Variants in SLC47A1 observed in about 807,000 individuals in gnomAD.
SLC47A1 encodes the protein multidrug and toxin extrusion protein 1.
Under a neutral mutation model 65.8 loss-of-function variants are expected in SLC47A1, and 58 were observed. The ratio of observed to expected loss-of-function variants is 0.88; its 90% CI spans 0.71 to 1.10. The LOEUF (loss-of-function observed/expected upper bound fraction) is 1.10, where lower values mean the gene tolerates loss of function less well. Ranked by LOEUF, SLC47A1 falls within the 50% of genes least tolerant of loss-of-function variation. SLC47A1 has a pLI of 0.00. For missense variants in SLC47A1, 706 were observed against 719.2 expected (o/e 0.98, Z 0.21); for synonymous variants, 285 against 295.0 (o/e 0.97, Z 0.35).
At chr17:19,544,868 A>G (rs1042024446) in intron 2 of SLC47A1, among the ~76,000 whole-genome samples, 4 of 152,202 alleles carry the variant, frequency 2.6e-5, no homozygotes, top group African/African-American at 9.6e-5. Flanking sequence ...TTACCCATCC[A>G]AGATCTTGTA....
chr17:19,539,098 G>C (rs915329514), intron 1 of SLC47A1, among the ~76,000 whole-genome samples: 15 of 151,998 alleles, frequency 9.9e-5, no homozygotes, highest in Non-Finnish European at 1.9e-4. Context: ...TGTAGAGACG[G>C]GGTCTCTACA....
Position 19,534,191 on chromosome 17 carries a change from G to C in SLC47A1, c.135+117G>C, listed in dbSNP as rs1915927347. 2.3e-6 allele frequency: 3 copies of C among 1,295,292 alleles called. No individual in the cohort carries two copies. In the East Asian group the frequency reaches 9.1e-5, roughly 39 times the overall value. The allele number at this position is 1,295,292 out of a possible 1,614,324, so 80.2% of individuals were successfully genotyped here. A position where few individuals can be genotyped will look rare whatever the true frequency, so the allele number is the denominator to read the frequency against. On this transcript the variant is annotated intron_variant, in intron 1 of 16. Coordinates refer to ENST00000270570, the MANE Select transcript of SLC47A1 (RefSeq NM_018242.3). ...GACCGAGCGAGCTGTCCGCCGGCGG[G>C]CTCCGGGGAGCATCGTGCCAGGAGC...
intron 12 of SLC47A1, among the ~76,000 whole-genome samples, chr17:19,565,187 C>T (rs1286902721): frequency 6.6e-6 from 1 of 152,168 alleles, no homozygotes; most frequent in Non-Finnish European, 1.5e-5. Flanking sequence ...GGTTAGAATC[C>T]AAGTCTCTAG....
chr17:19,548,084 A>G lies in SLC47A1; in HGVS notation c.406A>G (p.Asn136Asp). 1 of 1,613,856 alleles carries G rather than the reference A, an allele frequency of 6.2e-7. No homozygotes were observed. Among genetic ancestry groups the G allele is most frequent in the Non-Finnish European group, 8.5e-7 (1 of 1,180,002 alleles). The change falls in exon 4 of 17, where the codon AAC becomes GAC. Residue 136 changes from asparagine to aspartate, a missense_variant. Transcript: ENST00000270570. ...CCFPCWALFL[N>D]TQHILLLFRQ... Reference sequence around the variant, plus strand: ...CTTCCCCTGCTGGGCGCTCTTTCTCAACACCCAGCACATCCTGCTGCTCTT... The same window carrying G: ...CTTCCCCTGCTGGGCGCTCTTTCTCGACACCCAGCACATCCTGCTGCTCTT...
intron 14 of SLC47A1, among the ~76,000 whole-genome samples, chr17:19,570,597 C>G (rs971070952): frequency 1.3e-5 from 2 of 152,170 alleles, no homozygotes; most frequent in African/African-American, 4.8e-5. Flanking sequence ...TGGGGCCAAT[C>G]GTTACAGAAG....
intron 16 of SLC47A1, among the ~76,000 whole-genome samples, chr17:19,576,406 C>CAG (rs1449778803): frequency 6.9e-6 from 1 of 145,036 alleles, no homozygotes; most frequent in Non-Finnish European, 1.5e-5. Context: ...GGCTGGACTG[C>CAG]AGTAGCACAA....
chr17:19,572,592 G>A (rs943569039), intron 15 of SLC47A1, among the ~76,000 whole-genome samples, 188 bp from the exon 16 acceptor site: 1 of 152,142 alleles, frequency 6.6e-6, no homozygotes, highest in African/African-American at 2.4e-5. Context: ...AAAGTGCTGG[G>A]ATTACAGGTG....
intron 12 of SLC47A1, 46 bp downstream of exon 12, chr17:19,560,539 A>G (rs2084301172): frequency 6.3e-7 from 1 of 1,586,392 alleles, no homozygotes; most frequent in Non-Finnish European, 8.7e-7. Flanking sequence ...TGATAAAGAA[A>G]TGGTTCATTG....
intron 3 of SLC47A1, among the ~76,000 whole-genome samples, chr17:19,547,589 T>C (rs1033722700): frequency 3.9e-5 from 6 of 151,992 alleles, no homozygotes; most frequent in Non-Finnish European, 8.8e-5. Context: ...AAGTCCAGAA[T>C]ATCATTAGTG....
At chr17:19,576,351 CTTTTT>C (rs199805601) in intron 16 of SLC47A1, among the ~76,000 whole-genome samples, 2 of 123,328 alleles carry the variant, frequency 1.6e-5, no homozygotes, top group Admixed American at 9.0e-5. Context: ...TTCTTCCTTC[CTTTTT>C]TTTTTTTTTT....
rs769317773 is a variant in SLC47A1, at chr17:19,571,470, A to G, written c.1310-8A>G. The G allele has an allele frequency of 2.3e-5, 37 of 1,610,758 alleles. No homozygotes were observed. In the South Asian group the frequency reaches 3.5e-4, roughly 15 times the overall value. On this transcript the variant is annotated splice_polypyrimidine_tract_variant and splice_region_variant and intron_variant, in intron 14 of 16. Transcript: ENST00000270570. Reference sequence around the variant, plus strand: ...GAATTAACCTCTATTAAATATTTCTATTTCTAGGTCTGTGGTCAGGGATCA... The same window carrying G: ...GAATTAACCTCTATTAAATATTTCTGTTTCTAGGTCTGTGGTCAGGGATCA...
At chr17:19,554,563 C>T (rs934198495) in intron 6 of SLC47A1, among the ~76,000 whole-genome samples, 2 of 152,126 alleles carry the variant, frequency 1.3e-5, no homozygotes, top group African/African-American at 2.4e-5. Flanking sequence ...ATGGGGACAG[C>T]GTGACCTTGG....
At chr17:19,538,765 A>G (rs1413072549) in intron 1 of SLC47A1, among the ~76,000 whole-genome samples, 1 of 152,182 alleles carries the variant, frequency 6.6e-6, no homozygotes, top group South Asian at 2.1e-4. Context: ...ACTTTCAGCA[A>G]TCATGGGAGG....
At position 19,578,969 on chromosome 17, in the gene SLC47A1, C is replaced by A. The variant is rs901731066; in HGVS notation, c.*1416C>A. 1.3e-5 allele frequency: 2 copies of A among 152,228 alleles called. No homozygotes were observed. Among genetic ancestry groups the A allele is most frequent in the African/African-American group, 4.8e-5 (2 of 41,444 alleles). The allele number at this position is 152,228 out of a possible 1,614,324, so 9.4% of individuals were successfully genotyped here. On this transcript the variant is annotated 3_prime_UTR_variant, in exon 17 of 17. Coordinates refer to ENST00000270570, the MANE Select transcript of SLC47A1 (RefSeq NM_018242.3). ...TGTGTTGTTCCGACATACCGAGGAC[C>A]AACTGGTCTACATGGATGCCCTGAA...
chr17:19,555,097 G>A, intron 6 of SLC47A1, 115 bp from the exon 7 acceptor site: 1 of 892,462 alleles, frequency 1.1e-6, no homozygotes, highest in Admixed American at 1.7e-5. Flanking sequence ...AAGCCCCCCA[G>A]CTATGCCTGT....
Position 19,534,139 on chromosome 17 carries a change from C to CCG in SLC47A1, c.135+68_135+69dup, listed in dbSNP as rs1915924557. ...GCTGGGGACCTGGTGATTTCTGCCTCCGCGGGTGACTTTGGCGGGCTTTGG... is the reference window on the plus strand; with the variant it reads ...GCTGGGGACCTGGTGATTTCTGCCTCCGCGCGGGTGACTTTGGCGGGCTTTGG... On this transcript the variant is annotated intron_variant, in intron 1 of 16. Coordinates refer to ENST00000270570, the MANE Select transcript of SLC47A1 (RefSeq NM_018242.3). The CCG allele has an allele frequency of 4.2e-6, 6 of 1,433,258 alleles. No homozygotes were observed. In the South Asian group the frequency reaches 5.6e-5, roughly 13 times the overall value. 88.8% of individuals were successfully genotyped at this position (1,433,258 alleles called of 1,614,324 possible).
At chr17:19,561,661 A>T (rs2084312580) in intron 12 of SLC47A1, among the ~76,000 whole-genome samples, 1 of 150,276 alleles carries the variant, frequency 6.7e-6, no homozygotes, top group Non-Finnish European at 1.5e-5. Flanking sequence ...AAAAAAAAAA[A>T]AGATCAGAGG....
chr17:19,549,478 G>A (rs954561771), intron 4 of SLC47A1, among the ~76,000 whole-genome samples, 157 bp from the exon 5 acceptor site: 1 of 152,268 alleles, frequency 6.6e-6, no homozygotes, highest in East Asian at 1.9e-4. Context: ...ACAGGCGTGA[G>A]CCACCGCGCC....
chr17:19,557,522 T>C (rs762537316), intron 10 of SLC47A1: 3 of 508,384 alleles, frequency 5.9e-6, no homozygotes, highest in South Asian at 2.8e-5. Context: ...TATCTTCATA[T>C]ACTTGTCTGA....
Sources: allele counts gnomAD v4.1 joint callset (sites outside exome capture counted in the v4.1 genomes callset), GRCh38; gene constraint gnomAD v4.1.1; transcripts MANE v1.5; gene names NCBI Gene and HGNC (gene_info 2026-07-23, HGNC 2026-07-21).